The following ANKRD35 variants were observed in gnomAD, a reference collection of about 807,000 sequenced individuals.
The protein encoded by ANKRD35 is ankyrin repeat domain-containing protein 35.
Under a neutral mutation model 109.9 loss-of-function variants are expected in ANKRD35, and 102 were observed. The ratio of observed to expected loss-of-function variants is 0.93; its 90% CI spans 0.79 to 1.09. The LOEUF is 1.09. Ranked by LOEUF, ANKRD35 falls within the 50% of genes least tolerant of loss-of-function variation. The pLI, the probability that ANKRD35 is intolerant of heterozygous loss-of-function variation, is 0.00. For synonymous variants in ANKRD35, 515 were observed against 512.4 expected (o/e 1.01, Z -0.07); for missense variants, 1,240 against 1,230.1 (o/e 1.01, Z -0.12).
At chr1:145,876,329 C>G in intron 6 of ANKRD35, 83 bp from the exon 7 acceptor site, 1 of 1,364,476 alleles carries the variant, frequency 7.3e-7, no homozygotes, top group Non-Finnish European at 1.0e-6. Flanking sequence ...TCCCCTCACA[C>G]CTGTCCAAAA....
intron 10 of ANKRD35, 91 bp downstream of exon 10, chr1:145,871,891 C>A: frequency 6.6e-6 from 10 of 1,503,928 alleles, no homozygotes; most frequent in Non-Finnish European, 9.0e-6. Context: ...TGACCCACTG[C>A]TGCAATAAAG....
Position 145,872,977 on chromosome 1 carries a change from C to T in ANKRD35, c.1792G>A (p.Ala598Thr), listed in dbSNP as rs587603498. ...VPGAQGEPLG[A>T]LGGEKALGGL... ...CCTAGGGCCTTTTCCCCTCCAAGGG[C>T]CCCTAGAGGCTCTCCTTGAGCCCCA... Residue 598 changes from alanine to threonine, a missense_variant, in exon 10 of 14, where the codon GCC becomes ACC. Coordinates refer to ENST00000355594, the MANE Select transcript of ANKRD35 (RefSeq NM_144698.5). The T allele has an allele frequency of 8.1e-6, 13 of 1,610,172 alleles. No individual in the cohort carries two copies. Among genetic ancestry groups the T allele is most frequent in the Non-Finnish European group, 1.1e-5 (13 of 1,178,342 alleles).
rs922032564 is a variant in ANKRD35 at position 145,866,573 on chromosome 1, A to G, written c.*236T>C. On this transcript the variant is annotated 3_prime_UTR_variant, in exon 14 of 14. Transcript: ENST00000355594. The stretch of plus-strand genomic sequence containing the variant: ...ATTACACTCAGCCCCGTCCTGCCTC[A>G]TGCTTTATTTTCCATAGAGCTTGTT... 1.3e-5 allele frequency: 2 copies of G among 150,866 alleles called. No individual in the cohort carries two copies. The highest frequency in any genetic ancestry group is 6.6e-5 in the Admixed American group (1 of 15,112). The allele number at this position is 150,866 out of a possible 1,614,324, so 9.3% of individuals were successfully genotyped here. A position where few individuals can be genotyped will look rare whatever the true frequency, so the allele number is the denominator to read the frequency against.
Position 145,873,027 on chromosome 1 carries a change from T to A in ANKRD35, c.1742A>T (p.Asp581Val). 1.2e-6 allele frequency: 2 copies of A among 1,611,348 alleles called. No homozygotes were observed. The highest frequency in any genetic ancestry group is 1.7e-6 in the Non-Finnish European group (2 of 1,178,830). Reference protein sequence around the residue: ...LKAAPGSIKQDEEKEKRVPGA... With the variant: ...LKAAPGSIKQVEEKEKRVPGA... Reference sequence around the variant, plus strand: ...AGGAACCCTTTTCTCCTTCTCTTCATCCTGTTTGATGCTCCCTGGGGCTGC... The same window carrying A: ...AGGAACCCTTTTCTCCTTCTCTTCAACCTGTTTGATGCTCCCTGGGGCTGC... Residue 581 changes from aspartate (D) to valine (V), a missense_variant, in exon 10 of 14, where the codon GAT (aspartate) becomes GTT (valine). Physicochemically the swap from Asp to Val is radical, Grantham distance 152. Transcript: ENST00000355594.
In ANKRD35 at chr1:145,873,039, C is replaced by T; in HGVS notation, c.1730G>A (p.Ser577Asn). The T allele has an allele frequency of 6.2e-7, 1 of 1,610,732 alleles. No homozygotes were observed. Residue 577 changes from serine (S) to asparagine (N), a missense_variant, in exon 10 of 14, where the codon AGC (serine) becomes AAC (asparagine). Coordinates refer to ENST00000355594, the MANE Select transcript of ANKRD35 (RefSeq NM_144698.5). ...REGALKAAPG[S>N]IKQDEEKEKR... Reference sequence around the variant, plus strand: ...CTCCTTCTCTTCATCCTGTTTGATGCTCCCTGGGGCTGCCTTTAGGGCTCC... The same window carrying T: ...CTCCTTCTCTTCATCCTGTTTGATGTTCCCTGGGGCTGCCTTTAGGGCTCC...
chr1:145,868,014 T>G lies in ANKRD35; in HGVS notation c.2920A>C (p.Asn974His). 1 of 1,614,190 alleles carries G rather than the reference T, an allele frequency of 6.2e-7. No homozygotes were observed. Among genetic ancestry groups the G allele is most frequent in the African/African-American group, 1.3e-5 (1 of 75,056 alleles). ...ACCCGAGCAGCATTCAGTAGATGAT[T>G]CCTGTAGGTGGAGATGATCTCTTCA... ...NHEEIISTYR[N>H]HLLNAARGYM... The change falls in exon 12 of 14, where the codon AAT (asparagine) becomes CAT (histidine). Residue 974 changes from asparagine (N) to histidine (H), a missense_variant. Asn to His is a moderately conservative substitution (Grantham distance 68). Transcript: ENST00000355594.
At chr1:145,876,679 A>G in intron 5 of ANKRD35, 40 bp from the exon 6 acceptor site, 1 of 1,613,234 alleles carries the variant, frequency 6.2e-7, no homozygotes, top group South Asian at 1.1e-5. Flanking sequence ...AGCATGAAGA[A>G]AGCCTACTCA....
At position 145,872,534 on chromosome 1, in the gene ANKRD35, C is replaced by G. The variant is rs1653870952; in HGVS notation, c.2235G>C (p.Gln745His). 6.2e-6 allele frequency: 10 copies of G among 1,606,662 alleles called. No homozygotes were observed. The highest frequency in any genetic ancestry group is 7.6e-6 in the Non-Finnish European group (9 of 1,176,610). The change falls in exon 10 of 14, where the codon CAG becomes CAC. Residue 745 changes from glutamine to histidine, a missense_variant. Physicochemically the swap from Gln to His is conservative, Grantham distance 24. Coordinates refer to ENST00000355594, the MANE Select transcript of ANKRD35 (RefSeq NM_144698.5). ...TLVDRHREAQQVLARLQEENQ... is the reference protein window; with the variant it reads ...TLVDRHREAQHVLARLQEENQ... ...TTTCTTCTTGCAGCCGAGCCAGCAC[C>G]TGCTGGGCCTCCCGGTGCCGATCCA...
intron 1 of ANKRD35, among the ~76,000 whole-genome samples, chr1:145,880,681 G>A (rs1159702253): frequency 6.6e-6 from 1 of 152,192 alleles, no homozygotes; most frequent in Middle Eastern, 3.4e-3. Context: ...AGAAAAATAG[G>A]GTCTGTGGAA....
rs781930968 is a variant in ANKRD35 at position 145,873,286 on chromosome 1, G to GA, written c.1482_1483insT (p.Leu495SerfsTer34). 2.5e-6 allele frequency: 4 copies of GA among 1,614,126 alleles called. No individual in the cohort carries two copies. Among genetic ancestry groups the GA allele is most frequent in the Non-Finnish European group, 3.4e-6 (4 of 1,179,982 alleles). ...CACACTGCAGCAAGCTCCTCCCTTA[G>GA]TTGAAGCAGAAGCTGGTTCATGGCT... On this transcript the variant is annotated frameshift_variant, in exon 10 of 14. Transcript: ENST00000355594. LOFTEE classifies it high-confidence loss of function.
In ANKRD35 at chr1:145,868,161, C is replaced by T. The variant is rs1237902325; in HGVS notation, c.2878-105G>A. On this transcript the variant is annotated intron_variant, in intron 11 of 13. Transcript: ENST00000355594. ...GCAGTACCAGGTGGGCTCGTTGGCC[C>T]ATCACTGGCCCATCCTGGACCACTG... The T allele has an allele frequency of 3.4e-6, 5 of 1,456,394 alleles. 1 individual carries two copies. Among genetic ancestry groups the T allele is most frequent in the South Asian group, 2.3e-5 (2 of 87,522 alleles). 90.2% of individuals were successfully genotyped at this position (1,456,394 alleles called of 1,614,324 possible).
Position 145,874,980 on chromosome 1 carries a change from T to C in ANKRD35, c.587A>G (p.Lys196Arg), listed in dbSNP as rs140649041. 9.4e-5 allele frequency: 152 copies of C among 1,610,784 alleles called. No homozygotes were observed. The highest frequency in any genetic ancestry group is 1.7e-4 in the Middle Eastern group (1 of 6,044). ...CAGTTCAGCCACCTCGGCACTGCCT[T>C]TCTCACAGGCCAGGATCAAAGCCGA... ...DKSALILACE[K>R]GSAEVAELLL... The change falls in exon 8 of 14, where the codon AAA becomes AGA. Residue 196 changes from lysine (K) to arginine (R), a missense_variant. Physicochemically the swap from Lys to Arg is conservative, Grantham distance 26. Transcript: ENST00000355594.
At position 145,874,003 on chromosome 1, in the gene ANKRD35, T is replaced by G; in HGVS notation, c.784-18A>C. ...GGAGAGGCCTATGTTGGAAACAGAA[T>G]AGTAAAGTGTGGCCACTAGGCAACG... is the stretch of plus-strand genomic sequence containing the variant. On this transcript the variant is annotated intron_variant, in intron 9 of 13. Transcript: ENST00000355594. 1 of 1,612,792 alleles carries G rather than the reference T, an allele frequency of 6.2e-7. No individual in the cohort carries two copies. The highest frequency in any genetic ancestry group is 8.5e-7 in the Non-Finnish European group (1 of 1,179,384).
intron 12 of ANKRD35, 105 bp from the exon 13 acceptor site, chr1:145,867,497 T>G (rs1438531228): frequency 1.1e-6 from 1 of 911,798 alleles, no homozygotes; most frequent in East Asian, 2.5e-5. Flanking sequence ...TTATTTACTA[T>G]ATACCTTCAC....
In ANKRD35 at chr1:145,879,309, G is replaced by A; in HGVS notation, c.119C>T (p.Ala40Val). Residue 40 changes from alanine (A) to valine (V), a missense_variant, in exon 2 of 14, where the codon GCC becomes GTC. Physicochemically the swap from Ala to Val is moderately conservative, Grantham distance 64. Coordinates refer to ENST00000355594, the MANE Select transcript of ANKRD35 (RefSeq NM_144698.5). ...GGTGGGTCGGGCAGATTTCCTGGAGGCCAGGGCAGCCACGCGTCCCACATC... is the reference window on the plus strand; with the variant it reads ...GGTGGGTCGGGCAGATTTCCTGGAGACCAGGGCAGCCACGCGTCCCACATC... ...RGDVGRVAAL[A>V]SRKSARPTKL... is the part of the protein sequence containing the mutation. 3 of 1,611,470 alleles carry A rather than the reference G, an allele frequency of 1.9e-6. No homozygotes were observed. Among genetic ancestry groups the A allele is most frequent in the African/African-American group, 1.3e-5 (1 of 74,828 alleles).
chr1:145,872,713 C>A lies in ANKRD35; in HGVS notation c.2056G>T (p.Ala686Ser), dbSNP rs1553739062. 2.5e-6 allele frequency: 4 copies of A among 1,613,612 alleles called. No homozygotes were observed. The highest frequency in any genetic ancestry group is 3.4e-6 in the Non-Finnish European group (4 of 1,179,612). The change falls in exon 10 of 14, where the codon GCC becomes TCC. Residue 686 changes from alanine to serine, a missense_variant. Ala to Ser is a moderately conservative substitution (Grantham distance 99, BLOSUM62 1). Transcript: ENST00000355594. ...AGGAGCTTCCGCAGCTTCTCTGTGG[C>A]CTCCTTCTCCATGGCCAGTTCATTT... The part of the protein sequence containing the change: ...LTNELAMEKE[A>S]TEKLRKLLAS...
chr1:145,881,152 T>C (rs1361972865), intron 1 of ANKRD35, among the ~76,000 whole-genome samples: 3 of 152,078 alleles, frequency 2.0e-5, no homozygotes, highest in Non-Finnish European at 4.4e-5. Flanking sequence ...CTGGGGGTGG[T>C]GGCCGGTGCC....
chr1:145,878,021 G>C lies in ANKRD35; in HGVS notation c.271C>G (p.Leu91Val), dbSNP rs371166991. ...TGGCAGGAGATGGTGGCCAAGTGTAGGGCAGTGCTTCCTGGAACAGAAAGA... is the reference window on the plus strand; with the variant it reads ...TGGCAGGAGATGGTGGCCAAGTGTACGGCAGTGCTTCCTGGAACAGAAAGA... The part of the protein sequence containing the change: ...NSKNEDGSTA[L>V]HLATISCQPQ... The change falls in exon 4 of 14, where the codon CTA becomes GTA. Residue 91 changes from leucine (L) to valine (V), a missense_variant. Transcript: ENST00000355594. The C allele has an allele frequency of 6.2e-7, 1 of 1,613,938 alleles. No individual in the cohort carries two copies.
chr1:145,874,074 C>G (rs1653967045), intron 9 of ANKRD35, 81 bp downstream of exon 9: 2 of 1,610,918 alleles, frequency 1.2e-6, no homozygotes, highest in South Asian at 1.1e-5. Flanking sequence ...GTCTTGACAC[C>G]CCAAGGACCA....
Sources: allele counts gnomAD v4.1 joint callset (sites outside exome capture counted in the v4.1 genomes callset), GRCh38; gene constraint gnomAD v4.1.1; transcripts MANE v1.5; gene names NCBI Gene and HGNC (gene_info 2026-07-23, HGNC 2026-07-21).